Variants in TBC1D23 observed in about 807,000 individuals in gnomAD.
The protein encoded by TBC1D23 is HCV non-structural protein 4A-transactivated protein 1.
In TBC1D23, 55 loss-of-function variants were observed where a neutral mutation model predicts 91.4. That is an observed-to-expected ratio of 0.60 (90% confidence interval 0.48 to 0.75). The LOEUF (loss-of-function observed/expected upper bound fraction) is 0.75. Among genes scored for constraint, TBC1D23 ranks in the 30% least tolerant of loss-of-function variants. The pLI is 0.00. For missense variants in TBC1D23, 725 were observed against 836.1 expected (o/e 0.87, Z 1.64); for synonymous variants, 289 against 281.0 (o/e 1.03, Z -0.28).
intron 10 of TBC1D23, among the ~76,000 whole-genome samples, chr3:100,300,191 C>T (rs1041371143): frequency 6.6e-6 from 1 of 152,154 alleles, no homozygotes; most frequent in African/African-American, 2.4e-5. Flanking sequence ...AGGCTAACAT[C>T]ATTTAAGCCA....
At chr3:100,293,159 A>G (rs973294398) in intron 5 of TBC1D23, among the ~76,000 whole-genome samples, 1 of 151,310 alleles carries the variant, frequency 6.6e-6, no homozygotes, top group African/African-American at 2.4e-5. Flanking sequence ...ATTTTGTGAG[A>G]CGGAGTCTCT....
chr3:100,261,068 G>T lies in TBC1D23; in HGVS notation c.50G>T (p.Gly17Val). The T allele has an allele frequency of 6.2e-7, 1 of 1,613,482 alleles. No homozygotes were observed. Among genetic ancestry groups the T allele is most frequent in the Non-Finnish European group, 8.5e-7 (1 of 1,179,436 alleles). ...VPPLPTSSGD[G>V]WEKDLEEALE... Reference sequence around the variant, plus strand: ...CCGCTGCCAACGTCGAGCGGCGACGGCTGGTGAGTGAAAGCCGGGGCTAAT... The same window carrying T: ...CCGCTGCCAACGTCGAGCGGCGACGTCTGGTGAGTGAAAGCCGGGGCTAAT... Residue 17 changes from glycine (G) to valine (V), a missense_variant, in exon 1 of 19, where the codon GGC becomes GTC. Transcript: ENST00000394144.
chr3:100,271,578 CT>C (rs1195013405), intron 1 of TBC1D23, among the ~76,000 whole-genome samples: 1 of 152,100 alleles, frequency 6.6e-6, no homozygotes, highest in African/African-American at 2.4e-5. Flanking sequence ...AAGAAAATGA[CT>C]GGAATAATAA....
intron 12 of TBC1D23, 38 bp from the exon 13 acceptor site, chr3:100,306,399 T>G (rs775341880): frequency 2.5e-6 from 3 of 1,215,346 alleles, no homozygotes; most frequent in South Asian, 2.5e-5. Flanking sequence ...AGAGTGTTGA[T>G]ATTTTAGGTT....
intron 8 of TBC1D23, 53 bp downstream of exon 8, chr3:100,296,328 T>C: frequency 1.0e-6 from 1 of 995,996 alleles, no homozygotes; most frequent in African/African-American, 1.6e-5. Context: ...TGTACATTGT[T>C]TTATTACTTT....
At chr3:100,270,648 T>C (rs922966812) in intron 1 of TBC1D23, among the ~76,000 whole-genome samples, 1 of 152,230 alleles carries the variant, frequency 6.6e-6, no homozygotes, top group African/African-American at 2.4e-5. Flanking sequence ...CTGAGTTCAT[T>C]TGTTTTCTCT....
chr3:100,296,087 T>C, intron 7 of TBC1D23, 85 bp from the exon 8 acceptor site: 1 of 707,416 alleles, frequency 1.4e-6, no homozygotes, highest in Non-Finnish European at 2.4e-6. Context: ...GCATAGTATT[T>C]ATGATGAAGA....
At chr3:100,294,605 A>G (rs916077744) in intron 5 of TBC1D23, among the ~76,000 whole-genome samples, 1 of 152,100 alleles carries the variant, frequency 6.6e-6, no homozygotes, top group African/African-American at 2.4e-5. Context: ...GGAGCAATTC[A>G]TATTTATATT....
At chr3:100,312,084 C>T (rs1020323458) in intron 15 of TBC1D23, among the ~76,000 whole-genome samples, 5 of 151,916 alleles carry the variant, frequency 3.3e-5, no homozygotes, top group African/African-American at 1.2e-4. Context: ...AATTTCTTTT[C>T]CTGCATGCTT....
chr3:100,301,935 G>A, intron 10 of TBC1D23, 132 bp from the exon 11 acceptor site: 1 of 623,726 alleles, frequency 1.6e-6, no homozygotes, highest in Non-Finnish European at 2.8e-6. Context: ...TTATTTATAA[G>A]AGCCTTTTTT....
intron 10 of TBC1D23, among the ~76,000 whole-genome samples, chr3:100,301,032 GTAA>G (rs1171326804): frequency 6.6e-6 from 1 of 151,848 alleles, no homozygotes; most frequent in Non-Finnish European, 1.5e-5. Context: ...TTGTTTTCTT[GTAA>G]TAATGCTGCA....
At position 100,279,642 on chromosome 3, in the gene TBC1D23, T is replaced by G. The variant is rs150469892; in HGVS notation, c.54-7T>G. 1,003 of 1,564,370 alleles carry G rather than the reference T, an allele frequency of 6.4e-4. 7 individuals are homozygous for G. In the African/African-American group the frequency reaches 0.012, roughly 19 times the overall value. On this transcript the variant is annotated splice_polypyrimidine_tract_variant and splice_region_variant and intron_variant, in intron 1 of 18. Coordinates refer to ENST00000394144, the MANE Select transcript of TBC1D23 (RefSeq NM_001199198.3). ...GTTCATTTTAATAAATAGGACTTAT[T>G]TTTTAGGGAAAAAGATCTTGAAGAA...
Position 100,281,871 on chromosome 3 carries a change from G to A in TBC1D23, c.271+24G>A, listed in dbSNP as rs1485601887. ...TGGTAAGCTGAATAATCACTTTCAAGCAGAGTTAAATTTTGGAAATAATTT... is the reference window on the plus strand; with the variant it reads ...TGGTAAGCTGAATAATCACTTTCAAACAGAGTTAAATTTTGGAAATAATTT... On this transcript the variant is annotated intron_variant, in intron 3 of 18. Transcript: ENST00000394144. The A allele has an allele frequency of 2.7e-6, 4 of 1,469,292 alleles. No individual in the cohort carries two copies. The Admixed American group carries it at 7.3e-5, about 27-fold the overall frequency. 91.0% of individuals were successfully genotyped at this position (1,469,292 alleles called of 1,614,324 possible).
chr3:100,299,229 T>C lies in TBC1D23; in HGVS notation c.1000-10T>C, dbSNP rs757166750. 1 of 1,599,828 alleles carries C rather than the reference T, an allele frequency of 6.3e-7. No individual in the cohort carries two copies. The highest frequency in any genetic ancestry group is 8.6e-7 in the Non-Finnish European group (1 of 1,168,092). Reference sequence around the variant, plus strand: ...AAATTCCTGTATGTCAAATGTTGTTTCCGTTTTAGGAAGGAGTCCGGTTCT... The same window carrying C: ...AAATTCCTGTATGTCAAATGTTGTTCCCGTTTTAGGAAGGAGTCCGGTTCT... On this transcript the variant is annotated splice_polypyrimidine_tract_variant and intron_variant, in intron 9 of 18. Coordinates refer to ENST00000394144, the MANE Select transcript of TBC1D23 (RefSeq NM_001199198.3).
chr3:100,304,992 C>A, intron 12 of TBC1D23, 104 bp downstream of exon 12: 1 of 628,632 alleles, frequency 1.6e-6, no homozygotes, highest in South Asian at 1.9e-5. Flanking sequence ...AAAGGGTAGA[C>A]TCTTCATTCA....
At chr3:100,315,029 A>T (rs1227883770) in intron 15 of TBC1D23, among the ~76,000 whole-genome samples, 2 of 151,956 alleles carry the variant, frequency 1.3e-5, no homozygotes, top group Admixed American at 1.3e-4. Flanking sequence ...TTTATTTGGG[A>T]TTACCTGAAA....
At chr3:100,281,914 T>C (rs916401091) in intron 3 of TBC1D23, 67 bp downstream of exon 3, 1 of 859,182 alleles carries the variant, frequency 1.2e-6, no homozygotes, top group South Asian at 1.7e-5. Flanking sequence ...GAGGAATCAC[T>C]CTTCAGAATA....
At chr3:100,322,459 A>C (rs759497534) in intron 18 of TBC1D23, among the ~76,000 whole-genome samples, 1 of 152,172 alleles carries the variant, frequency 6.6e-6, no homozygotes, top group South Asian at 2.1e-4. Flanking sequence ...CAGGAGATTG[A>C]TTTAACAAGC....
At chr3:100,312,358 G>A (rs551054869) in intron 15 of TBC1D23, among the ~76,000 whole-genome samples, 5 of 152,160 alleles carry the variant, frequency 3.3e-5, no homozygotes, top group African/African-American at 9.6e-5. Flanking sequence ...TTAATAAGAT[G>A]TATGTATATA....
Sources: gnomAD v4.1 joint callset for allele counts (sites outside exome capture counted in the v4.1 genomes callset) on GRCh38, gnomAD v4.1.1 for gene constraint, MANE v1.5 for transcripts, NCBI Gene and HGNC (gene_info 2026-07-23, HGNC 2026-07-21) for gene names.